The following ELAC2 variants were observed in gnomAD, a reference collection of about 807,000 sequenced individuals.
The protein encoded by ELAC2 is elaC ribonuclease Z 2, also known as zinc phosphodiesterase ELAC protein 2.
Under a neutral mutation model 105.2 loss-of-function variants are expected in ELAC2, and 92 were observed. The ratio of observed to expected loss-of-function variants is 0.87; its 90% CI spans 0.74 to 1.04. ELAC2 has a LOEUF of 1.04. ELAC2 is among the 50% of genes least tolerant of loss of function. The probability of loss-of-function intolerance (pLI) is 0.00; values close to 1 mark genes in which losing one functional copy is unlikely to be tolerated. For missense variants in ELAC2, 1,099 were observed against 1,071.7 expected (o/e 1.03, Z -0.36); for synonymous variants, 468 against 409.1 (o/e 1.14, Z -1.74).
At chr17:12,999,543 C>A (rs2040651189) in intron 15 of ELAC2, among the ~76,000 whole-genome samples, 1 of 152,254 alleles carries the variant, frequency 6.6e-6, no homozygotes, top group African/African-American at 2.4e-5. Context: ...AGCCAAGTCC[C>A]TGCTCAGAGC....
In ELAC2 at chr17:13,005,751, A is replaced by G; in HGVS notation, c.870+2T>C. 1 of 1,613,846 alleles carries G rather than the reference A, an allele frequency of 6.2e-7. No individual in the cohort carries two copies. Among genetic ancestry groups the G allele is most frequent in the Non-Finnish European group, 8.5e-7 (1 of 1,179,900 alleles). On this transcript the variant is annotated splice_donor_variant, in intron 10 of 23. Transcript: ENST00000338034. LOFTEE classifies it high-confidence loss of function. ...CTGAATCAAGAAAACCAGGCATCTC[A>G]CCTCTCTTCCTTCATGAGTGATGCT...
At position 12,994,872 on chromosome 17, in the gene ELAC2, G is replaced by T. The variant is rs777499770; in HGVS notation, c.1921C>A (p.Leu641Met). Residue 641 changes from leucine to methionine, a missense_variant, in exon 21 of 24, where the codon CTG becomes ATG. Leu to Met is a conservative substitution (Grantham distance 15, BLOSUM62 2). Transcript: ENST00000338034. The stretch of plus-strand genomic sequence containing the variant: ...AACGCATGCTTGCAGTGCCGCACCA[G>T]ACAGGTCTGAAACTGAAAGGGTGGG... ...TCDLEEFQTC[L>M]VRHCKHAFGC... The T allele has an allele frequency of 6.2e-7, 1 of 1,614,120 alleles. No individual in the cohort carries two copies. The highest frequency in any genetic ancestry group is 1.7e-5 in the Admixed American group (1 of 60,032).
intron 21 of ELAC2, 45 bp from the exon 22 acceptor site, chr17:12,994,548 C>A: frequency 6.2e-7 from 1 of 1,610,432 alleles, no homozygotes; most frequent in Non-Finnish European, 8.5e-7. Flanking sequence ...TCTGCGAGAG[C>A]GGCACACAGG....
At position 12,996,572 on chromosome 17, in the gene ELAC2, G is replaced by A; in HGVS notation, c.1634C>T (p.Ser545Phe). 2 of 1,613,976 alleles carry A rather than the reference G, an allele frequency of 1.2e-6. No individual in the cohort carries two copies. The highest frequency in any genetic ancestry group is 1.7e-6 in the Non-Finnish European group (2 of 1,180,036). Reference sequence around the variant, plus strand: ...CGTGTGGTGATCTGCGTGCAGGTGGGACACAAACACAGCAGCCAGGGTGCC... The same window carrying A: ...CGTGTGGTGATCTGCGTGCAGGTGGAACACAAACACAGCAGCCAGGGTGCC... ...VLGTLAAVFV[S>F]HLHADHHTGL... Residue 545 changes from serine (S) to phenylalanine (F), a missense_variant, in exon 17 of 24, where the codon TCC becomes TTC. Physicochemically the swap from Ser to Phe is radical, Grantham distance 155. Transcript: ENST00000338034.
intron 22 of ELAC2, 106 bp downstream of exon 22, chr17:12,994,319 G>A (rs1250032568): frequency 1.6e-6 from 2 of 1,287,632 alleles, no homozygotes; most frequent in African/African-American, 2.9e-5. Flanking sequence ...CCCTTGATAG[G>A]AAGCAGGGCA....
chr17:12,998,952 C>T (rs893449780), intron 15 of ELAC2, among the ~76,000 whole-genome samples: 5 of 152,178 alleles, frequency 3.3e-5, no homozygotes, highest in South Asian at 2.1e-4. Context: ...GAACTAAATA[C>T]ACCTCTTTTC....
chr17:13,000,017 A>G (rs980037497), intron 15 of ELAC2, 139 bp downstream of exon 15: 4 of 749,778 alleles, frequency 5.3e-6, no homozygotes, highest in Non-Finnish European at 9.1e-6. Flanking sequence ...ATTCTAATGT[A>G]GAGCTGAGTA....
intron 6 of ELAC2, 98 bp from the exon 7 acceptor site, chr17:13,011,880 A>T: frequency 1.9e-6 from 3 of 1,576,172 alleles, no homozygotes; most frequent in Non-Finnish European, 2.6e-6. Context: ...ACGCCAATTA[A>T]ATCAGCACAC....
chr17:12,996,713 C>T, intron 16 of ELAC2, 28 bp from the exon 17 acceptor site: 2 of 1,609,758 alleles, frequency 1.2e-6, no homozygotes, highest in Non-Finnish European at 8.5e-7. Context: ...AAGAGAGTCA[C>T]TGCCACTAGG....
rs547966660 is a variant in ELAC2 at position 12,994,990 on chromosome 17, C to T, written c.1881G>A (p.Ser627=). 17 of 1,614,080 alleles carry T rather than the reference C, an allele frequency of 1.1e-5. No individual in the cohort carries two copies. The highest frequency in any genetic ancestry group is 6.7e-5 in the African/African-American group (5 of 74,934). ...CTTCCAAATCACATGTTCGCAACAG[C>T]GAACTGATCAATCTTTCCACTGCAG... is the stretch of plus-strand genomic sequence containing the variant. The part of the protein sequence containing the change: ...SSPAVERLIS[S]LLRTCDLEEF... The change falls in exon 20 of 24, where the codon TCG becomes TCA. Residue 627 remains serine, a synonymous_variant. Transcript: ENST00000338034.
At chr17:13,000,106 G>A in intron 15 of ELAC2, 50 bp downstream of exon 15, 1 of 1,552,170 alleles carries the variant, frequency 6.4e-7, no homozygotes, top group South Asian at 1.1e-5. Context: ...GAAAACAGCA[G>A]CAGGGGCAGA....
At position 12,993,893 on chromosome 17, in the gene ELAC2, G is replaced by C. The variant is rs1372816599; in HGVS notation, c.2109-62C>G. On this transcript the variant is annotated intron_variant, in intron 22 of 23. Coordinates refer to ENST00000338034, the MANE Select transcript of ELAC2 (RefSeq NM_018127.7). Reference sequence around the variant, plus strand: ...CAACTGCAAGACTGCAAAGCAGACAGTGGCACAGACCCTGGCCATCAACTG... The same window carrying C: ...CAACTGCAAGACTGCAAAGCAGACACTGGCACAGACCCTGGCCATCAACTG... 3.1e-6 allele frequency: 5 copies of C among 1,611,502 alleles called. No homozygotes were observed. The Admixed American group carries it at 8.4e-5, about 27-fold the overall frequency.
intron 17 of ELAC2, 128 bp downstream of exon 17, chr17:12,996,419 T>A: frequency 7.0e-7 from 1 of 1,430,344 alleles, no homozygotes; most frequent in Non-Finnish European, 9.7e-7. Context: ...AACCATTTCC[T>A]AGCCAGAGAT....
chr17:12,993,524 A>G (rs1435201368), intron 23 of ELAC2, among the ~76,000 whole-genome samples, 163 bp downstream of exon 23: 4 of 152,352 alleles, frequency 2.6e-5, no homozygotes, highest in Non-Finnish European at 5.9e-5. Context: ...GGGTCTCACC[A>G]GCAAACCCAG....
At chr17:13,013,347 A>G in intron 5 of ELAC2, 72 bp from the exon 6 acceptor site, 2 of 1,526,752 alleles carry the variant, frequency 1.3e-6, no homozygotes, top group African/African-American at 2.7e-5. Flanking sequence ...CTTCAGGATC[A>G]CCAACCACGA....
rs1365874986 is a variant in ELAC2, at chr17:12,995,776, C to G, written c.1735G>C (p.Val579Leu). 3.1e-6 allele frequency: 5 copies of G among 1,612,768 alleles called. No individual in the cohort carries two copies. The highest frequency in any genetic ancestry group is 4.2e-6 in the Non-Finnish European group (5 of 1,179,554). The part of the protein sequence containing the change: ...LGKPLHPLLV[V>L]APNQLKAWLQ... ...CAGGCTTTGAGCTGGTTGGGGGCAA[C>G]CACCAGCAAAGGGTGAAGCGGCTTT... The change falls in exon 19 of 24, where the codon GTT (valine) becomes CTT (leucine). Residue 579 changes from valine to leucine, a missense_variant. Val to Leu is a conservative substitution (Grantham distance 32). Transcript: ENST00000338034.
intron 1 of ELAC2, 82 bp downstream of exon 1, chr17:13,017,621 G>T (rs868500838): frequency 1.2e-6 from 2 of 1,601,366 alleles, no homozygotes; most frequent in South Asian, 2.2e-5. Context: ...CAGGGAAGCC[G>T]AAGCCCTGGG....
chr17:13,016,953 A>T, intron 2 of ELAC2, 21 bp from the exon 3 acceptor site: 2 of 1,613,798 alleles, frequency 1.2e-6, no homozygotes, highest in Non-Finnish European at 1.7e-6. Context: ...AAAAACATTT[A>T]AACAGGATAA....
At chr17:12,998,007 C>T (rs2040559571) in intron 16 of ELAC2, among the ~76,000 whole-genome samples, 1 of 152,158 alleles carries the variant, frequency 6.6e-6, no homozygotes, top group Non-Finnish European at 1.5e-5. Flanking sequence ...CCCAAGTCCC[C>T]GCTCAAACTT....
Sources: allele counts gnomAD v4.1 joint callset (sites outside exome capture counted in the v4.1 genomes callset), GRCh38; gene constraint gnomAD v4.1.1; transcripts MANE v1.5; gene names NCBI Gene and HGNC (gene_info 2026-07-23, HGNC 2026-07-21).